Variants in APBA1 observed in about 807,000 individuals in gnomAD.
APBA1 encodes amyloid beta precursor protein binding family A member 1.
APBA1 carries 55 observed loss-of-function variants against 86.6 expected under a neutral mutation model. The observed-to-expected ratio is 0.64, with a 90% CI of 0.51 to 0.80. APBA1 has a LOEUF of 0.80. Ranked by LOEUF, APBA1 falls within the 30% of genes least tolerant of loss-of-function variation. The pLI is 0.00. For synonymous variants in APBA1, 511 were observed against 493.9 expected (o/e 1.03, Z -0.46); for missense variants, 1,090 against 1,183.0 (o/e 0.92, Z 1.15).
chr9:69,505,570 C>T (rs1835945837), intron 2 of APBA1, among the ~76,000 whole-genome samples: 1 of 152,076 alleles, frequency 6.6e-6, no homozygotes, highest in African/African-American at 2.4e-5. Flanking sequence ...GAGATAAACG[C>T]CATTTCAAGC....
Position 69,516,752 on chromosome 9 carries a change from G to GT in APBA1, c.458dup (p.His153GlnfsTer27). 1 of 1,612,154 alleles carries GT rather than the reference G, an allele frequency of 6.2e-7. No homozygotes were observed. The highest frequency in any genetic ancestry group is 8.5e-7 in the Non-Finnish European group (1 of 1,179,488). ...TCATGGCTTCCTCGTGCTCCAGCGA[G>GT]TGGAAGTGCAGGTGGTTGGGCAGCG... On this transcript the variant is annotated frameshift_variant, in exon 2 of 13. Transcript: ENST00000265381. LOFTEE classifies it high-confidence loss of function. This position sits in a 1 kb window ranked among gnomAD's most constrained non-coding sequence, Gnocchi z 7.3.
intron 11 of APBA1, among the ~76,000 whole-genome samples, chr9:69,440,112 G>T (rs796930231): frequency 1.3e-5 from 2 of 152,196 alleles, no homozygotes; most frequent in African/African-American, 2.4e-5. Flanking sequence ...TTGGTGAACC[G>T]CAAATGCTGC....
At chr9:69,470,391 G>A (rs1835348513) in intron 4 of APBA1, among the ~76,000 whole-genome samples, 2 of 152,144 alleles carry the variant, frequency 1.3e-5, no homozygotes, top group Non-Finnish European at 2.9e-5. Flanking sequence ...GCACACATGT[G>A]ACATCCTCAT....
chr9:69,484,608 C>T (rs1003523710), intron 2 of APBA1, among the ~76,000 whole-genome samples: 8 of 152,152 alleles, frequency 5.3e-5, no homozygotes, highest in African/African-American at 1.7e-4. Flanking sequence ...CTGAAGCTTC[C>T]GCAGACCCTA....
intron 2 of APBA1, among the ~76,000 whole-genome samples, chr9:69,492,564 A>G (rs1415250898): frequency 6.6e-6 from 1 of 152,134 alleles, no homozygotes; most frequent in African/African-American, 2.4e-5. Context: ...AATTGGTAAG[A>G]AGAGCTCATT....
At chr9:69,482,847 C>CTGT (rs1410117241) in intron 2 of APBA1, among the ~76,000 whole-genome samples, 9 of 151,244 alleles carry the variant, frequency 6.0e-5, no homozygotes, top group African/African-American at 1.9e-4. Context: ...AATTGGAAAT[C>CTGT]ATCATTCTCA....
chr9:69,650,947 G>A (rs7030767), intron 1 of APBA1, among the ~76,000 whole-genome samples: 3,990 of 152,166 alleles, frequency 0.026, 203 homozygotes, highest in African/African-American at 0.09. Flanking sequence ...TACAAAGACA[G>A]AAAGACATAT....
At chr9:69,484,120 T>G (rs565711633) in intron 2 of APBA1, among the ~76,000 whole-genome samples, 1 of 152,220 alleles carries the variant, frequency 6.6e-6, no homozygotes, top group East Asian at 1.9e-4. Flanking sequence ...TTTCTTTAAT[T>G]GCATGGTTTG....
At chr9:69,659,661 C>T (rs1292636280) in intron 1 of APBA1, among the ~76,000 whole-genome samples, 1 of 152,216 alleles carries the variant, frequency 6.6e-6, no homozygotes, top group Non-Finnish European at 1.5e-5. Context: ...TCATCCTCCA[C>T]TCTTCCCCAA....
chr9:69,432,251 A>G (rs1217690239), intron 12 of APBA1, among the ~76,000 whole-genome samples: 14 of 152,238 alleles, frequency 9.2e-5, no homozygotes, highest in Non-Finnish European at 1.8e-4. Flanking sequence ...AGGCGGCCAT[A>G]CAGAAAAGCA....
Position 69,620,977 on chromosome 9 carries a change from G to A in APBA1, c.-70+51176C>T, listed in dbSNP as rs550640247. The stretch of plus-strand genomic sequence containing the variant: ...CATGTGGGCTTAAATCCAAAGGCCC[G>A]GGAGCTGAGACTGAACCTGGGCTCT... On this transcript the variant is annotated intron_variant, in intron 1 of 12. Transcript: ENST00000265381. 2.4e-4 allele frequency among the ~76,000 whole-genome samples: 37 copies of A among 152,318 alleles called. No individual in the cohort carries two copies. In the Middle Eastern group the frequency reaches 0.01, roughly 42 times the overall value.
intron 2 of APBA1, among the ~76,000 whole-genome samples, chr9:69,481,410 C>A (rs1344308046): frequency 6.6e-6 from 1 of 152,056 alleles, no homozygotes; most frequent in East Asian, 1.9e-4. Context: ...ATCCAACTTA[C>A]AAGGGATATG....
intron 1 of APBA1, among the ~76,000 whole-genome samples, chr9:69,566,817 C>T (rs1174967927): frequency 6.6e-6 from 1 of 152,108 alleles, no homozygotes; most frequent in African/African-American, 2.4e-5. Context: ...CCCCACCCCA[C>T]CCACCATCAC....
rs374548140 is a variant in APBA1, at chr9:69,449,752, A to G, written c.2013T>C (p.Ile671=). 4 of 1,613,898 alleles carry G rather than the reference A, an allele frequency of 2.5e-6. No homozygotes were observed. Among genetic ancestry groups the G allele is most frequent in the Non-Finnish European group, 3.4e-6 (4 of 1,179,992 alleles). ...GGATGGATCCCCAGCCAGACTCCAC[A>G]ATCACCACACCTAGGATTTCTCCTT... ...KQKGEILGVV[I]VESGWGSILP... Residue 671 remains isoleucine (I), a synonymous_variant, in exon 10 of 13, where the codon ATT becomes ATC. Transcript: ENST00000265381.
rs1159966688 is a variant in APBA1, at chr9:69,447,605, TCTGGC to T, written c.2181+1974_2181+1978del. ...CTGGCTGAGAAGTACTGCCCCATGG[TCTGGC>T]CTTGGGCCTAGCATTTCACCTGACA... On this transcript the variant is annotated intron_variant, in intron 10 of 12. Transcript: ENST00000265381. Among the ~76,000 whole-genome samples the T allele has an allele frequency of 4.6e-5, 7 of 152,120 alleles. No individual in the cohort carries two copies. In the East Asian group the frequency reaches 1.4e-3, roughly 29 times the overall value.
chr9:69,455,831 G>C (rs1835086050), intron 8 of APBA1, among the ~76,000 whole-genome samples: 1 of 152,066 alleles, frequency 6.6e-6, no homozygotes, highest in Non-Finnish European at 1.5e-5. Flanking sequence ...TCCTCAAAGG[G>C]AAACGCAGCT....
intron 11 of APBA1, among the ~76,000 whole-genome samples, chr9:69,440,433 C>G (rs10120192): frequency 2.0e-5 from 3 of 150,408 alleles, no homozygotes; most frequent in African/African-American, 2.5e-5. Context: ...GGCTCCACCC[C>G]GTTCGAGCTT....
chr9:69,539,400 A>G (rs550681195), intron 1 of APBA1, among the ~76,000 whole-genome samples: 8 of 152,212 alleles, frequency 5.3e-5, no homozygotes, highest in Non-Finnish European at 1.0e-4. Flanking sequence ...CCTTGGCATT[A>G]TCTTTTAATC....
intron 1 of APBA1, among the ~76,000 whole-genome samples, chr9:69,536,449 A>T (rs1836512296): frequency 6.6e-6 from 1 of 151,956 alleles, no homozygotes; most frequent in African/African-American, 2.4e-5. Flanking sequence ...ATTACGTTGA[A>T]GCAAATGTCA....
Sources: gnomAD v4.1 joint callset for allele counts (sites outside exome capture counted in the v4.1 genomes callset) on GRCh38, gnomAD v4.1.1 for gene constraint, Gnocchi (gnomAD v3.1) non-coding constraint, MANE v1.5 for transcripts, NCBI Gene and HGNC (gene_info 2026-07-23, HGNC 2026-07-21) for gene names.